SUPT16H: variants seen among roughly 807,000 people sequenced by gnomAD.
The protein encoded by SUPT16H is FACT complex subunit SPT16.
SUPT16H carries 24 observed loss-of-function variants against 136.2 expected under a neutral mutation model. The ratio of observed to expected loss-of-function variants is 0.18; its 90% CI spans 0.13 to 0.25. The LOEUF (loss-of-function observed/expected upper bound fraction) is 0.25, where lower values mean the gene tolerates loss of function less well. Among genes scored for constraint, SUPT16H ranks in the 10% least tolerant of loss-of-function variants. The pLI, the probability that SUPT16H is intolerant of heterozygous loss-of-function variation, is 1.00. For missense variants in SUPT16H, 623 were observed against 1,270.2 expected, an observed-to-expected ratio of 0.49 and a Z score of 7.74; for synonymous variants, 415 against 428.2, an observed-to-expected ratio of 0.97 and a Z score of 0.38.
intron 10 of SUPT16H, among the ~76,000 whole-genome samples, 156 bp from the exon 11 acceptor site, chr14:21,363,659 G>A (rs1023013521): frequency 2.0e-5 from 3 of 151,990 alleles, no homozygotes; most frequent in Non-Finnish European, 2.9e-5. Context: ...CTAACCTCTC[G>A]TCAGGAGCTA....
In SUPT16H at chr14:21,363,425, ATCT is replaced by A. The variant is rs751773282; in HGVS notation, c.1299+10_1299+12del. On this transcript the variant is annotated intron_variant, in intron 11 of 25. Coordinates refer to ENST00000216297, the MANE Select transcript of SUPT16H (RefSeq NM_007192.4). ...CCTAAACTTCCTATACTACTTATCT[ATCT>A]TCTTCCTACCTTTAGGAAAATCCCC... The A allele has an allele frequency of 4.3e-6, 7 of 1,613,398 alleles. No individual in the cohort carries two copies. The Admixed American group carries it at 1.2e-4, about 27-fold the overall frequency.
chr14:21,372,034 A>C lies in SUPT16H; in HGVS notation c.170T>G (p.Phe57Cys), dbSNP rs751843434. 1.9e-6 allele frequency: 3 copies of C among 1,612,460 alleles called. No homozygotes were observed. In the East Asian group the frequency reaches 6.7e-5, roughly 36 times the overall value. Residue 57 changes from phenylalanine to cysteine, a missense_variant, in exon 3 of 26, where the codon TTT becomes TGT. Physicochemically the swap from Phe to Cys is radical, Grantham distance 205. This residue lies in a region of SUPT16H where 343 missense variants were observed against 525.7 expected (regional missense o/e 0.65). Transcript: ENST00000216297. ...AKSTALQTWL[F>C]GYELTDTIMV... ...GATAGTATCAGTTAGTTCATAACCA[A>C]AGAGCCATGTCTATGGAAAAAGACA... is the stretch of plus-strand genomic sequence containing the variant.
chr14:21,373,407 G>T lies in SUPT16H; in HGVS notation c.90C>A (p.Asn30Lys). Residue 30 changes from asparagine (N) to lysine (K), a missense_variant, in exon 2 of 26, where the codon AAC (asparagine) becomes AAA (lysine). By Grantham distance (94) the Asn-to-Lys change is moderately conservative. Transcript: ENST00000216297. ...NWRKGEDEYA[N>K]VDAIVVSVGV... ...CCACTGATACAACAATGGCATCAAC[G>T]TTGGCATACTCATCTTCTCCTTTCT... The T allele has an allele frequency of 6.2e-7, 1 of 1,614,004 alleles. No homozygotes were observed. The highest frequency in any genetic ancestry group is 1.7e-5 in the Admixed American group (1 of 60,014).
rs140822582 is a variant in SUPT16H at position 21,376,405 on chromosome 14, A to C, written c.67-2975T>G. 7.9e-5 allele frequency among the ~76,000 whole-genome samples: 12 copies of C among 152,270 alleles called. No homozygotes were observed. In the East Asian group the frequency reaches 2.3e-3, roughly 30 times the overall value. ...CTATAAAGTCAAGATAAATGCATAC[A>C]TAAGACTCTTCCACATTTTTAAGGC... is the stretch of plus-strand genomic sequence containing the variant. On this transcript the variant is annotated intron_variant, in intron 1 of 25. Coordinates refer to ENST00000216297, the MANE Select transcript of SUPT16H (RefSeq NM_007192.4).
chr14:21,354,570 C>A, intron 22 of SUPT16H, 30 bp from the exon 23 acceptor site: 2 of 1,610,320 alleles, frequency 1.2e-6, no homozygotes, highest in South Asian at 1.1e-5. Context: ...AAAGTCAAAT[C>A]AATCTTCTGT....
At chr14:21,361,732 G>A (rs536192064) in intron 15 of SUPT16H, among the ~76,000 whole-genome samples, 1 of 152,114 alleles carries the variant, frequency 6.6e-6, no homozygotes, top group East Asian at 1.9e-4. Flanking sequence ...AGATTCTACT[G>A]CAATATATGT....
intron 20 of SUPT16H, 111 bp from the exon 21 acceptor site, chr14:21,358,113 GGAGACTCATCCA>G: frequency 9.9e-7 from 1 of 1,012,630 alleles, no homozygotes; most frequent in Non-Finnish European, 1.5e-6. Flanking sequence ...CATACTCACT[GGAGACTCATCCA>G]GAGGAAGCCT....
chr14:21,366,552 A>G, intron 7 of SUPT16H, 23 bp from the exon 8 acceptor site: 2 of 1,593,922 alleles, frequency 1.3e-6, no homozygotes, highest in Non-Finnish European at 1.7e-6. Context: ...CACAAAGGAG[A>G]TATTAAAGTA....
chr14:21,357,280 G>C lies in SUPT16H; in HGVS notation c.2577C>G (p.Ile859Met). 6.2e-7 allele frequency: 1 copy of C among 1,613,282 alleles called. No individual in the cohort carries two copies. The highest frequency in any genetic ancestry group is 8.5e-7 in the Non-Finnish European group (1 of 1,179,594). Reference protein sequence around the residue: ...QFHLKNFDMVIVYKDYSKKVT... With the variant: ...QFHLKNFDMVMVYKDYSKKVT... ...CTTTCTTGCTGTAGTCCTTGTAGAC[G>C]ATTACCATATCAAAGTTCTTCAGGT... The change falls in exon 22 of 26, where the codon ATC becomes ATG. Residue 859 changes from isoleucine to methionine, a missense_variant. Physicochemically the swap from Ile to Met is conservative, Grantham distance 10 (BLOSUM62 1). Transcript: ENST00000216297.
intron 3 of SUPT16H, among the ~76,000 whole-genome samples, chr14:21,371,652 A>T (rs1886787060): frequency 6.6e-6 from 1 of 152,276 alleles, no homozygotes; most frequent in Non-Finnish European, 1.5e-5. Context: ...ACATAAAATC[A>T]GTGTTCACCA....
Position 21,369,313 on chromosome 14 carries a change from T to C in SUPT16H, c.673A>G (p.Ile225Val), listed in dbSNP as rs148675721. The change falls in exon 6 of 26, where the codon ATT (isoleucine) becomes GTT (valine). Residue 225 changes from isoleucine (I) to valine (V), a missense_variant. Ile to Val is a conservative substitution (Grantham distance 29). Transcript: ENST00000216297. ...SKLAESVEKA[I>V]EEKKYLAGAD... ...CCAGCAAGGTATTTTTTCTCTTCAA[T>C]GGCCTTTTCCACAGACTCAGCCAGT... 4.0e-5 allele frequency: 64 copies of C among 1,614,098 alleles called. No individual in the cohort carries two copies. Among genetic ancestry groups the C allele is most frequent in the Non-Finnish European group, 4.9e-5 (58 of 1,180,038 alleles).
intron 23 of SUPT16H, among the ~76,000 whole-genome samples, chr14:21,354,103 C>T (rs1029320542): frequency 9.2e-5 from 14 of 152,172 alleles, no homozygotes; most frequent in Admixed American, 1.3e-4. Flanking sequence ...TCTGTATTTA[C>T]GTATCACACA....
chr14:21,372,071 G>T, intron 2 of SUPT16H, 27 bp from the exon 3 acceptor site: 2 of 1,583,516 alleles, frequency 1.3e-6, no homozygotes, highest in Non-Finnish European at 1.7e-6. Context: ...CAGTGACAAC[G>T]GTATTTACAG....
chr14:21,361,396 A>AGT (rs1473587716), intron 15 of SUPT16H, 183 bp from the exon 16 acceptor site: 218 of 680,354 alleles, frequency 3.2e-4, no homozygotes, highest in Non-Finnish European at 4.8e-4. Context: ...AGCTCACTGC[A>AGT]ACCTTCGCCT....
chr14:21,378,296 C>CT (rs955194204), intron 1 of SUPT16H, among the ~76,000 whole-genome samples: 3 of 151,438 alleles, frequency 2.0e-5, no homozygotes, highest in Admixed American at 6.6e-5. Context: ...GCTAGGGAGA[C>CT]TTTTTTTAAA....
At chr14:21,365,268 G>T in intron 8 of SUPT16H, 125 bp from the exon 9 acceptor site, 1 of 852,248 alleles carries the variant, frequency 1.2e-6, no homozygotes, top group Non-Finnish European at 1.9e-6. Flanking sequence ...TACCCCTGCT[G>T]ACCGCTCAGT....
At chr14:21,361,896 T>G (rs990958890) in intron 15 of SUPT16H, among the ~76,000 whole-genome samples, 22 of 152,130 alleles carry the variant, frequency 1.4e-4, no homozygotes, top group African/African-American at 5.3e-4. Context: ...GCCTCCACAG[T>G]AGCTGGATGA....
chr14:21,353,848 A>G lies in SUPT16H; in HGVS notation c.2791-16T>C. On this transcript the variant is annotated splice_polypyrimidine_tract_variant and intron_variant, in intron 23 of 25. Transcript: ENST00000216297. The stretch of plus-strand genomic sequence containing the variant: ...CATCACTCCCCTGGTGAGTTAGAGC[A>G]TAATACTGATTTTTTTTTGACATTT... The G allele has an allele frequency of 1.2e-6, 2 of 1,600,504 alleles. No homozygotes were observed. The highest frequency in any genetic ancestry group is 1.7e-6 in the Non-Finnish European group (2 of 1,174,790).
Position 21,373,399 on chromosome 14 carries a change from G to A in SUPT16H, c.98C>T (p.Ala33Val). The A allele has an allele frequency of 6.2e-7, 1 of 1,614,082 alleles. No homozygotes were observed. Among genetic ancestry groups the A allele is most frequent in the Non-Finnish European group, 8.5e-7 (1 of 1,179,962 alleles). ...KGEDEYANVD[A>V]IVVSVGVDEE... ...ATCAACACCCACTGATACAACAATG[G>A]CATCAACGTTGGCATACTCATCTTC... Residue 33 changes from alanine to valine, a missense_variant, in exon 2 of 26, where the codon GCC becomes GTC. Transcript: ENST00000216297.
Sources: allele counts gnomAD v4.1 joint callset (sites outside exome capture counted in the v4.1 genomes callset), GRCh38; gene constraint gnomAD v4.1.1; regional missense constraint gnomAD v4.1.1; transcripts MANE v1.5; gene names NCBI Gene and HGNC (gene_info 2026-07-23, HGNC 2026-07-21).